Variants in CROCC2 observed in about 807,000 individuals in gnomAD.
CROCC2 encodes the protein ciliary rootlet coiled-coil, rootletin family member 2, also known as ciliary rootlet coiled-coil protein 2.
CROCC2 carries 163 observed loss-of-function variants against 177.6 expected under a neutral mutation model. The ratio of observed to expected loss-of-function variants is 0.92; its 90% confidence interval spans 0.81 to 1.05. The LOEUF is 1.05. CROCC2 is among the 50% of genes least tolerant of loss of function. The pLI is 0.00. For missense variants in CROCC2, 1,929 were observed against 1,797.8 expected (o/e 1.07, Z -1.32); for synonymous variants, 904 against 787.3 (o/e 1.15, Z -2.48).
chr2:240,910,952 G>GA (rs1392917559), intron 1 of CROCC2, among the ~76,000 whole-genome samples: 1 of 152,018 alleles, frequency 6.6e-6, no homozygotes, highest in African/African-American at 2.4e-5. Context: ...CCAACATGGT[G>GA]AAACCCCGTC....
At chr2:240,907,386 G>A (rs944295417) in intron 1 of CROCC2, among the ~76,000 whole-genome samples, 3 of 152,074 alleles carry the variant, frequency 2.0e-5, no homozygotes, top group Non-Finnish European at 4.4e-5. Context: ...GCCGTCACCT[G>A]CTGCTGACCA....
chr2:240,963,569 G>A lies in CROCC2; in HGVS notation c.3101G>A (p.Arg1034Gln), dbSNP rs116582004. The A allele has an allele frequency of 7.3e-3, 11,288 of 1,544,022 alleles. 555 individuals carry two copies. In the African/African-American group the frequency reaches 0.12, roughly 17 times the overall value. Residue 1034 changes from arginine to glutamine, a missense_variant, in exon 21 of 32, where the codon CGG becomes CAG. Physicochemically the swap from Arg to Gln is conservative, Grantham distance 43. This residue lies in a region of CROCC2 where 1,397 missense variants were observed against 1,239.9 expected (regional missense o/e 1.13). Coordinates refer to ENST00000690015, the MANE Select transcript of CROCC2 (RefSeq NM_001351305.2). Reference protein sequence around the residue: ...GDVEREAERLRAQLTVAQEGL... With the variant: ...GDVEREAERLQAQLTVAQEGL... ...GGTCCTCCCCAGGCTGAGAGGCTGC[G>A]GGCACAGCTGACCGTGGCCCAGGAG...
chr2:240,991,177 G>A lies in CROCC2; in HGVS notation c.4864-19G>A. The A allele has an allele frequency of 6.5e-7, 1 of 1,527,806 alleles. No individual in the cohort carries two copies. The highest frequency in any genetic ancestry group is 8.8e-7 in the Non-Finnish European group (1 of 1,133,764). The allele number at this position is 1,527,806 out of a possible 1,614,324, so 94.6% of individuals were successfully genotyped here. A position where few individuals can be genotyped will look rare whatever the true frequency, so the allele number is the denominator to read the frequency against. ...CGTGCAGCCTGCCCACCTGACCTGAGCCACTGTCCTGTCCCCAGGTGGCCA... is the reference window on the plus strand; with the variant it reads ...CGTGCAGCCTGCCCACCTGACCTGAACCACTGTCCTGTCCCCAGGTGGCCA... On this transcript the variant is annotated intron_variant, in intron 30 of 31. Coordinates refer to ENST00000690015, the MANE Select transcript of CROCC2 (RefSeq NM_001351305.2).
intron 1 of CROCC2, among the ~76,000 whole-genome samples, chr2:240,914,613 CCTCA>C (rs928910753): frequency 2.6e-5 from 4 of 152,238 alleles, no homozygotes; most frequent in Non-Finnish European, 5.9e-5. Context: ...CCATCCCACC[CCTCA>C]CTCAGGAGGT....
rs538658114 is a variant in CROCC2, at chr2:240,933,442, T to C, written c.1463+100T>C. ...CAAGCACCTCTAGAGCTGGAGGGGT[T>C]GCCAGCCGGGGAGGGGTCCTTGCCT... is the stretch of plus-strand genomic sequence containing the variant. On this transcript the variant is annotated intron_variant, in intron 10 of 31. Coordinates refer to ENST00000690015, the MANE Select transcript of CROCC2 (RefSeq NM_001351305.2). The C allele has an allele frequency of 3.9e-6, 5 of 1,291,986 alleles. No homozygotes were observed. The African/African-American group carries it at 4.5e-5, about 12-fold the overall frequency. The allele number at this position is 1,291,986 out of a possible 1,614,324, so 80.0% of individuals were successfully genotyped here.
In CROCC2 at chr2:240,949,489, G is replaced by T. The variant is rs2059540868; in HGVS notation, c.2483-44G>T. The T allele has an allele frequency of 1.9e-6, 3 of 1,542,794 alleles. No individual in the cohort carries two copies. Among genetic ancestry groups the T allele is most frequent in the South Asian group, 2.4e-5 (2 of 83,602 alleles). ...CTAGGAAGTCCCAAAGGGTTCAGGG[G>T]TCCACATGCCAGGCCCTGGTGCATC... On this transcript the variant is annotated intron_variant, in intron 16 of 31. Coordinates refer to ENST00000690015, the MANE Select transcript of CROCC2 (RefSeq NM_001351305.2). The surrounding 1 kb of genome is among the most constrained non-coding windows in gnomAD (Gnocchi z 4.5).
chr2:240,933,379 G>A, intron 10 of CROCC2, 37 bp downstream of exon 10: 6 of 1,455,252 alleles, frequency 4.1e-6, no homozygotes, highest in Non-Finnish European at 5.4e-6. Flanking sequence ...CTTGCACAGG[G>A]TGTATGGGAT....
chr2:240,961,854 ACG>A (rs1491176212), intron 20 of CROCC2, among the ~76,000 whole-genome samples: 37,962 of 94,030 alleles, frequency 0.4, 12,828 homozygotes, highest in Non-Finnish European at 0.45. Flanking sequence ...CATGACACAC[ACG>A]CACACACTCA....
chr2:240,983,635 A>C (rs1360310389), intron 28 of CROCC2: 2 of 1,283,186 alleles, frequency 1.6e-6, no homozygotes, highest in Non-Finnish European at 2.0e-6. Context: ...TGGGGTCCGC[A>C]GGGGCGCGGC....
chr2:240,959,401 G>T lies in CROCC2; in HGVS notation c.3044G>T (p.Ser1015Ile). The change falls in exon 20 of 32, where the codon AGC becomes ATC. Residue 1015 changes from serine (S) to isoleucine (I), a missense_variant. Physicochemically the swap from Ser to Ile is moderately radical, Grantham distance 142. Transcript: ENST00000690015. ...AGGGAGACCACGGCCCTACGCGAGA[G>T]CCTCCAGGACCTAGCGGCTGAGCGG... ...HQRETTALRE[S>I]LQDLAAERGD... The T allele has an allele frequency of 6.4e-7, 1 of 1,550,532 alleles. No individual in the cohort carries two copies. The highest frequency in any genetic ancestry group is 8.7e-7 in the Non-Finnish European group (1 of 1,146,908).
intron 28 of CROCC2, 108 bp from the exon 29 acceptor site, chr2:240,988,631 G>C (rs1206624287): frequency 8.6e-7 from 1 of 1,168,294 alleles, no homozygotes; most frequent in Admixed American, 4.0e-5. Context: ...AGCTCTTAGG[G>C]GAATTCAGAG....
intron 15 of CROCC2, 78 bp from the exon 16 acceptor site, chr2:240,948,901 C>A: frequency 7.6e-7 from 1 of 1,322,900 alleles, no homozygotes; most frequent in East Asian, 2.5e-5. Flanking sequence ...CTCATTAACA[C>A]CTGTGTAAAG....
chr2:240,945,054 G>A (rs1488380582), intron 14 of CROCC2, among the ~76,000 whole-genome samples: 3 of 152,022 alleles, frequency 2.0e-5, no homozygotes, highest in South Asian at 4.2e-4. Context: ...CTCCTGCCTC[G>A]GCCTCCTGAA....
chr2:240,975,200 T>C lies in CROCC2; in HGVS notation c.4401+6938T>C, dbSNP rs566884828. Among the ~76,000 whole-genome samples the C allele has an allele frequency of 4.4e-4, 67 of 152,338 alleles. 1 individual carries two copies. In the South Asian group the frequency reaches 0.013, roughly 31 times the overall value. On this transcript the variant is annotated intron_variant, in intron 27 of 31. Coordinates refer to ENST00000690015, the MANE Select transcript of CROCC2 (RefSeq NM_001351305.2). The stretch of plus-strand genomic sequence containing the variant: ...ACAACAGGCTATAATGCTAGTATGG[T>C]CAAAGCAGGAGAGGCTGGTAGAATA...
rs1294775214 is a variant in CROCC2 at position 240,968,170 on chromosome 2, G to A, written c.4309G>A (p.Ala1437Thr). 1 of 1,529,718 alleles carries A rather than the reference G, an allele frequency of 6.5e-7. No individual in the cohort carries two copies. The highest frequency in any genetic ancestry group is 8.7e-7 in the Non-Finnish European group (1 of 1,142,932). 94.8% of individuals were successfully genotyped at this position (1,529,718 alleles called of 1,614,324 possible). The change falls in exon 27 of 32, where the codon GCA becomes ACA. Residue 1437 changes from alanine to threonine, a missense_variant. Ala to Thr is a moderately conservative substitution (Grantham distance 58, BLOSUM62 0). Around this residue, in one of 3 missense-constraint regions of CROCC2, gnomAD observed 388 missense variants for 352.7 expected, o/e 1.10. Coordinates refer to ENST00000690015, the MANE Select transcript of CROCC2 (RefSeq NM_001351305.2). ...GGGCGCGCTGAGCAGCGCCCGGGCA[G>A]CACGTGCCCTGCAGAAGGAGGCGCT... The part of the protein sequence containing the change: ...VEGALSSARA[A>T]RALQKEALRR...
At chr2:240,914,545 C>T (rs1385288298) in intron 1 of CROCC2, among the ~76,000 whole-genome samples, 2 of 152,228 alleles carry the variant, frequency 1.3e-5, no homozygotes, top group Non-Finnish European at 2.9e-5. Context: ...CGCGGCCACA[C>T]GGGGGCACTG....
chr2:240,977,918 G>A (rs2059775781), intron 27 of CROCC2, among the ~76,000 whole-genome samples: 1 of 20,578 alleles, frequency 4.9e-5, no homozygotes, highest in Non-Finnish European at 1.1e-4. Flanking sequence ...TCTGGGGTAG[G>A]AGCCTCAGGA....
At position 240,931,037 on chromosome 2, in the gene CROCC2, A is replaced by C; in HGVS notation, c.856A>C (p.Ser286Arg). The change falls in exon 7 of 32, where the codon AGC (serine) becomes CGC (arginine). Residue 286 changes from serine (S) to arginine (R), a missense_variant. Ser to Arg is a moderately radical substitution (Grantham distance 110). This residue lies in a region of CROCC2 where 1,397 missense variants were observed against 1,239.9 expected (regional missense o/e 1.13). Transcript: ENST00000690015. ...GCGGCTGTCGGCCAGCAGCACGGCC[A>C]GCACCCTGGGGCAGCAGCTTCGGGA... ...NLRLSASSTA[S>R]TLGQQLRDKA... is the part of the protein sequence containing the mutation. The C allele has an allele frequency of 1.4e-6, 1 of 716,722 alleles. No homozygotes were observed. The highest frequency in any genetic ancestry group is 1.7e-5 in the African/African-American group (1 of 57,378). The allele number at this position is 716,722 out of a possible 1,614,324, so 44.4% of individuals were successfully genotyped here.
chr2:240,973,536 G>A lies in CROCC2; in HGVS notation c.4401+5274G>A, dbSNP rs895173679. Among the ~76,000 whole-genome samples the A allele has an allele frequency of 1.1e-4, 17 of 150,724 alleles. No homozygotes were observed. Among genetic ancestry groups the A allele is most frequent in the South Asian group, 1.0e-3 (5 of 4,780 alleles). ...GGCCTCCTTCCCCCACTGTGCCCAC[G>A]TGCCACACCCACCCCCCCAGCTCCC... On this transcript the variant is annotated intron_variant, in intron 27 of 31. Transcript: ENST00000690015. The surrounding 1 kb of genome is among the most constrained non-coding windows in gnomAD (Gnocchi z 4.7).
Sources: allele counts gnomAD v4.1 joint callset (sites outside exome capture counted in the v4.1 genomes callset), GRCh38; gene constraint gnomAD v4.1.1; regional missense constraint gnomAD v4.1.1; non-coding constraint Gnocchi (gnomAD v3.1); transcripts MANE v1.5; gene names NCBI Gene and HGNC (gene_info 2026-07-23, HGNC 2026-07-21).